The following SNRNP25 variants were observed in gnomAD, a reference collection of about 807,000 sequenced individuals.
SNRNP25 encodes the protein U11/U12 small nuclear ribonucleoprotein 25 kDa protein.
A neutral mutation model predicts 23.9 loss-of-function variants in SNRNP25; 21 were observed. The ratio of observed to expected loss-of-function variants is 0.88; its 90% CI spans 0.62 to 1.27. The LOEUF (loss-of-function observed/expected upper bound fraction) is 1.27, where lower values mean the gene tolerates loss of function less well. SNRNP25 is among the 50% of genes most tolerant of loss of function. The pLI is 0.00. For synonymous variants in SNRNP25, 63 were observed against 60.4 expected, an observed-to-expected ratio of 1.04 and a Z score of -0.20; for missense variants, 160 against 156.9, an observed-to-expected ratio of 1.02 and a Z score of -0.11.
chr16:56,461 C>T, intron 3 of SNRNP25, 78 bp from the exon 4 acceptor site: 1 of 1,373,214 alleles, frequency 7.3e-7, no homozygotes. Context: ...GGACTGCATG[C>T]CTCAAGCCCA....
chr16:55,759 C>T lies in SNRNP25; in HGVS notation c.134-18C>T. 6.2e-7 allele frequency: 1 copy of T among 1,613,124 alleles called. No individual in the cohort carries two copies. Among genetic ancestry groups the T allele is most frequent in the Non-Finnish European group, 8.5e-7 (1 of 1,179,330 alleles). On this transcript the variant is annotated intron_variant, in intron 2 of 4. Transcript: ENST00000293861. Reference sequence around the variant, plus strand: ...GTTCTCACCATGGATCTTCTCCCATCTGTGTCCGTGGTTGCAGCCGTGGTT... The same window carrying T: ...GTTCTCACCATGGATCTTCTCCCATTTGTGTCCGTGGTTGCAGCCGTGGTT...
intron 4 of SNRNP25, 128 bp downstream of exon 4, chr16:56,741 G>A: frequency 2.0e-6 from 2 of 990,676 alleles, no homozygotes; most frequent in South Asian, 1.5e-5. Flanking sequence ...GCTTCCTTGG[G>A]GCCCTCCCCA....
At position 55,583 on chromosome 16, in the gene SNRNP25, G is replaced by A. The variant is rs767494977; in HGVS notation, c.133+34G>A. 3 of 1,610,568 alleles carry A rather than the reference G, an allele frequency of 1.9e-6. No individual in the cohort carries two copies. The African/African-American group carries it at 4.0e-5, about 22-fold the overall frequency. The stretch of plus-strand genomic sequence containing the variant: ...TACCCTCCTCCCTTCAGGTTATGTG[G>A]TCCAGGCTTTCACAGCAGGAAGACC... On this transcript the variant is annotated intron_variant, in intron 2 of 4. Transcript: ENST00000293861.
intron 1 of SNRNP25, among the ~76,000 whole-genome samples, chr16:54,300 AG>A (rs1366005191): frequency 1.1e-4 from 16 of 152,348 alleles, no homozygotes; most frequent in African/African-American, 3.8e-4. Flanking sequence ...AATTGTATTT[AG>A]GGGGCTCGGG....
Position 57,291 on chromosome 16 carries a change from C to G in SNRNP25, c.*148C>G. On this transcript the variant is annotated 3_prime_UTR_variant, in exon 5 of 5. Coordinates refer to ENST00000293861, the MANE Select transcript of SNRNP25 (RefSeq NM_024571.4). ...GCCCAACAGTAACTGTCAGCATAAA[C>G]CTGGGGGCCCTCAGGACTAGGACAG... 1.2e-6 allele frequency: 1 copy of G among 807,802 alleles called. No homozygotes were observed. The allele number at this position is 807,802 out of a possible 1,614,324, so 50.0% of individuals were successfully genotyped here. A position where few individuals can be genotyped will look rare whatever the true frequency, so the allele number is the denominator to read the frequency against.
chr16:54,132 G>A, intron 1 of SNRNP25, 74 bp downstream of exon 1: 3 of 1,495,346 alleles, frequency 2.0e-6, no homozygotes, highest in Non-Finnish European at 2.7e-6. Context: ...GGCAGCCTCC[G>A]AAGGTGCTGG....
In SNRNP25 at chr16:53,873, A is replaced by C. The variant is rs1755487781; in HGVS notation, c.-144A>C. On this transcript the variant is annotated 5_prime_UTR_variant, in exon 1 of 5. Transcript: ENST00000293861. ...CTTGGCCTCCCTAGTGCGGGCTGGCAGTGCGGGCAGAGCCCGGCTGAGAGG... is the reference window on the plus strand; with the variant it reads ...CTTGGCCTCCCTAGTGCGGGCTGGCCGTGCGGGCAGAGCCCGGCTGAGAGG... The C allele has an allele frequency of 1.4e-6, 2 of 1,458,494 alleles. No individual in the cohort carries two copies. The highest frequency in any genetic ancestry group is 1.9e-6 in the Non-Finnish European group (2 of 1,079,788). 90.3% of individuals were successfully genotyped at this position (1,458,494 alleles called of 1,614,324 possible).
At chr16:54,396 C>T (rs992552858) in intron 1 of SNRNP25, among the ~76,000 whole-genome samples, 1 of 152,076 alleles carries the variant, frequency 6.6e-6, no homozygotes, top group African/African-American at 2.4e-5. Context: ...ACCACAGGTG[C>T]GCGCTACCAC....
At chr16:54,346 G>T (rs1897380017) in intron 1 of SNRNP25, among the ~76,000 whole-genome samples, 1 of 152,188 alleles carries the variant, frequency 6.6e-6, no homozygotes, top group African/African-American at 2.4e-5. Context: ...GGGCTGGAGT[G>T]CAGCGGCGTC....
In SNRNP25 at chr16:55,786, T is replaced by C; in HGVS notation, c.143T>C (p.Val48Ala). The change falls in exon 3 of 5, where the codon GTA (valine) becomes GCA (alanine). Residue 48 changes from valine (V) to alanine (A), a missense_variant. Transcript: ENST00000293861. ...GTGTCCGTGGTTGCAGCCGTGGTTG[T>C]AGTGCAGAGTGCCACAGTCCTGGAC... ...KMDGEVMPVV[V>A]VQSATVLDLK... 6.2e-7 allele frequency: 1 copy of C among 1,614,128 alleles called. No individual in the cohort carries two copies. Among genetic ancestry groups the C allele is most frequent in the Non-Finnish European group, 8.5e-7 (1 of 1,179,992 alleles).
chr16:55,503 C>A lies in SNRNP25; in HGVS notation c.87C>A (p.Gly29=). Residue 29 remains glycine (G), a synonymous_variant, in exon 2 of 5, where the codon GGC becomes GGA. Coordinates refer to ENST00000293861, the MANE Select transcript of SNRNP25 (RefSeq NM_024571.4). ...EVNSQIALEY[G]QAMTVRVCKM... is the part of the protein sequence containing the mutation. ...ACTCCCAAATAGCCCTAGAATACGG[C>A]CAGGCAATGACGGTCCGAGTGTGCA... is the stretch of plus-strand genomic sequence containing the variant. 1 of 1,614,134 alleles carries A rather than the reference C, an allele frequency of 6.2e-7. No individual in the cohort carries two copies. The highest frequency in any genetic ancestry group is 1.3e-5 in the African/African-American group (1 of 75,040).
Position 56,589 on chromosome 16 carries a change from C to G in SNRNP25, c.290C>G (p.Thr97Arg). 1 of 1,614,030 alleles carries G rather than the reference C, an allele frequency of 6.2e-7. No homozygotes were observed. Among genetic ancestry groups the G allele is most frequent in the Non-Finnish European group, 8.5e-7 (1 of 1,180,024 alleles). Residue 97 changes from threonine (T) to arginine (R), a missense_variant, in exon 4 of 5, where the codon ACG becomes AGG. Thr to Arg is a moderately conservative substitution (Grantham distance 71). Coordinates refer to ENST00000293861, the MANE Select transcript of SNRNP25 (RefSeq NM_024571.4). ...YHLTSAGEKL[T>R]EDRKKLRDYG... is the part of the protein sequence containing the mutation. ...CTGACCTCTGCAGGAGAGAAACTCA[C>G]GGAAGACAGAAAGAAGCTCCGAGAG...
chr16:54,469 GA>G (rs1289135578), intron 1 of SNRNP25, among the ~76,000 whole-genome samples: 1 of 151,970 alleles, frequency 6.6e-6, no homozygotes, highest in Non-Finnish European at 1.5e-5. Context: ...AGGCTGATCT[GA>G]AACTCCTGGG....
chr16:55,628 G>A, intron 2 of SNRNP25, 79 bp downstream of exon 2: 2 of 1,574,650 alleles, frequency 1.3e-6, no homozygotes, highest in East Asian at 2.2e-5. Flanking sequence ...TGGTCAGCCT[G>A]CTCAGAAACT....
At chr16:56,045 A>C in intron 3 of SNRNP25, 163 bp downstream of exon 3, 1 of 701,948 alleles carries the variant, frequency 1.4e-6, no homozygotes, top group Non-Finnish European at 2.4e-6. Context: ...TCCCTGTCAC[A>C]GACAGTGCGG....
chr16:55,780 T>C lies in SNRNP25; in HGVS notation c.137T>C (p.Val46Ala), dbSNP rs755463557. 42 of 1,614,072 alleles carry C rather than the reference T, an allele frequency of 2.6e-5. No homozygotes were observed. The highest frequency in any genetic ancestry group is 3.5e-5 in the Non-Finnish European group (41 of 1,179,976). Reference sequence around the variant, plus strand: ...CCATCTGTGTCCGTGGTTGCAGCCGTGGTTGTAGTGCAGAGTGCCACAGTC... The same window carrying C: ...CCATCTGTGTCCGTGGTTGCAGCCGCGGTTGTAGTGCAGAGTGCCACAGTC... ...VCKMDGEVMP[V>A]VVVQSATVLD... The change falls in exon 3 of 5, where the codon GTG (valine) becomes GCG (alanine). Residue 46 changes from valine to alanine, a missense_variant. Physicochemically the swap from Val to Ala is moderately conservative, Grantham distance 64. Coordinates refer to ENST00000293861, the MANE Select transcript of SNRNP25 (RefSeq NM_024571.4).
At position 53,926 on chromosome 16, in the gene SNRNP25, G is replaced by C; in HGVS notation, c.-91G>C. The C allele has an allele frequency of 6.4e-7, 1 of 1,556,054 alleles. No homozygotes were observed. On this transcript the variant is annotated 5_prime_UTR_variant, in exon 1 of 5. Transcript: ENST00000293861. ...CGGCCCTGGAGGAGACGGAGGCCGC[G>C]GGTGGGCCCGAGGCGCAAGAGGAAG... is the stretch of plus-strand genomic sequence containing the variant.
rs564016345 is a variant in SNRNP25, at chr16:55,404, G to A, written c.43-55G>A. 6 of 1,519,828 alleles carry A rather than the reference G, an allele frequency of 3.9e-6. No homozygotes were observed. In the African/African-American group the frequency reaches 6.8e-5, roughly 17 times the overall value. The allele number at this position is 1,519,828 out of a possible 1,614,324, so 94.1% of individuals were successfully genotyped here. On this transcript the variant is annotated intron_variant, in intron 1 of 4. Coordinates refer to ENST00000293861, the MANE Select transcript of SNRNP25 (RefSeq NM_024571.4). The stretch of plus-strand genomic sequence containing the variant: ...CACTATCGGCTTGTTCTTTGTTGTT[G>A]CTCAAGGTGGTAAAGAGAGCCAGGG...
chr16:54,705 A>G (rs1243512459), intron 1 of SNRNP25, among the ~76,000 whole-genome samples: 1 of 152,130 alleles, frequency 6.6e-6, no homozygotes, highest in Non-Finnish European at 1.5e-5. Context: ...TTGGGACGAT[A>G]CTGTCTTTTT....
Sources: allele counts gnomAD v4.1 joint callset (sites outside exome capture counted in the v4.1 genomes callset), GRCh38; gene constraint gnomAD v4.1.1; transcripts MANE v1.5; gene names NCBI Gene and HGNC (gene_info 2026-07-23, HGNC 2026-07-21).